CCDC167: variants seen among roughly 807,000 people sequenced by gnomAD.
The protein encoded by CCDC167 is coiled-coil domain-containing protein 167.
A neutral mutation model predicts 12.7 loss-of-function variants in CCDC167; 15 were observed. That is an observed-to-expected ratio of 1.18 (90% confidence interval 0.79 to 1.81). The LOEUF (loss-of-function observed/expected upper bound fraction) is 1.81, where lower values mean the gene tolerates loss of function less well. Among genes scored for constraint, CCDC167 ranks in the 40% most tolerant of loss-of-function variants. CCDC167 has a pLI of 0.00. For missense variants in CCDC167, 121 were observed against 120.1 expected, an observed-to-expected ratio of 1.01 and a Z score of -0.03; for synonymous variants, 52 against 49.0, an observed-to-expected ratio of 1.06 and a Z score of -0.26.
chr6:37,488,575 T>G (rs189642358), intron 1 of CCDC167, among the ~76,000 whole-genome samples: 25 of 152,246 alleles, frequency 1.6e-4, no homozygotes, highest in African/African-American at 6.0e-4. Flanking sequence ...GGGCCAGAAC[T>G]GGGCAAGCAG....
chr6:37,483,676 C>T lies in CCDC167; in HGVS notation c.191-387G>A, dbSNP rs187199175. 2.6e-4 allele frequency among the ~76,000 whole-genome samples: 40 copies of T among 152,298 alleles called. No individual in the cohort carries two copies. The East Asian group carries it at 6.8e-3, about 26-fold the overall frequency. Reference sequence around the variant, plus strand: ...TGCTCATCCTTCAAGGCATCTCATCCGCCAACCAGAAACTGAGGGCACCTG... The same window carrying T: ...TGCTCATCCTTCAAGGCATCTCATCTGCCAACCAGAAACTGAGGGCACCTG... On this transcript the variant is annotated intron_variant, in intron 3 of 3. Coordinates refer to ENST00000373408, the MANE Select transcript of CCDC167 (RefSeq NM_138493.3).
At chr6:37,489,860 G>A (rs1581764850) in intron 1 of CCDC167, among the ~76,000 whole-genome samples, 2 of 152,358 alleles carry the variant, frequency 1.3e-5, no homozygotes, top group South Asian at 2.1e-4. Flanking sequence ...GCTATCAGGG[G>A]GCAGCACTTA....
At chr6:37,488,015 G>A (rs1761969493) in intron 1 of CCDC167, among the ~76,000 whole-genome samples, 1 of 152,228 alleles carries the variant, frequency 6.6e-6, no homozygotes, top group South Asian at 2.1e-4. Flanking sequence ...GCTGCTTGAT[G>A]TGGGCTGAGT....
intron 1 of CCDC167, among the ~76,000 whole-genome samples, chr6:37,499,476 G>C (rs1581770218): frequency 6.6e-6 from 1 of 152,062 alleles, no homozygotes; most frequent in South Asian, 2.1e-4. Flanking sequence ...TTTCTCTGGG[G>C]TCTCCCTCAC....
intron 2 of CCDC167, 113 bp downstream of exon 2, chr6:37,484,987 A>C (rs563375334): frequency 6.9e-7 from 1 of 1,442,396 alleles, no homozygotes; most frequent in South Asian, 1.1e-5. Flanking sequence ...CACTGAAGCT[A>C]AGATGTCAGG....
intron 1 of CCDC167, among the ~76,000 whole-genome samples, chr6:37,492,553 A>T (rs1337730799): frequency 6.6e-6 from 1 of 152,238 alleles, no homozygotes; most frequent in Non-Finnish European, 1.5e-5. Context: ...AAATTCACAC[A>T]AAACAGATCC....
At chr6:37,487,969 C>T (rs1761969204) in intron 1 of CCDC167, among the ~76,000 whole-genome samples, 1 of 152,232 alleles carries the variant, frequency 6.6e-6, no homozygotes, top group African/African-American at 2.4e-5. Context: ...TCGCTGATTC[C>T]CTTCTAAATA....
chr6:37,484,826 G>A lies in CCDC167; in HGVS notation c.174C>T (p.Asn58=), dbSNP rs749468498. The change falls in exon 3 of 4, where the codon AAC becomes AAT. Residue 58 remains asparagine, a synonymous_variant. Coordinates refer to ENST00000373408, the MANE Select transcript of CCDC167 (RefSeq NM_138493.3). ...SLEKEKNSLM[N]KASNYEKELK... Reference sequence around the variant, plus strand: ...CTTTCTTACCGTAGTTGGAGGCTTTGTTCATTAGGCTGTTTTTCTCCTTCT... The same window carrying A: ...CTTTCTTACCGTAGTTGGAGGCTTTATTCATTAGGCTGTTTTTCTCCTTCT... The A allele has an allele frequency of 2.5e-6, 4 of 1,614,268 alleles. No homozygotes were observed. The highest frequency in any genetic ancestry group is 1.7e-4 in the Middle Eastern group (1 of 6,058).
At chr6:37,494,056 C>CTTTTTTTTTTT (rs70977666) in intron 1 of CCDC167, among the ~76,000 whole-genome samples, 2 of 91,384 alleles carry the variant, frequency 2.2e-5, no homozygotes, top group African/African-American at 8.5e-5. Context: ...GTGATCCTGC[C>CTTTTTTTTTTT]TTTTTTTTTT....
At chr6:37,490,167 G>A (rs1246501588) in intron 1 of CCDC167, among the ~76,000 whole-genome samples, 2 of 152,218 alleles carry the variant, frequency 1.3e-5, no homozygotes, top group Admixed American at 6.5e-5. Context: ...CTGCTTCCTG[G>A]CATCTGGCCC....
At chr6:37,485,306 G>C (rs74609302) in intron 1 of CCDC167, 112 bp from the exon 2 acceptor site, 21 of 790,746 alleles carry the variant, frequency 2.7e-5, no homozygotes, top group Admixed American at 1.1e-4. Flanking sequence ...CCCCCCATTC[G>C]TTTTGGCAGG....
chr6:37,487,669 T>C (rs1178757144), intron 1 of CCDC167, among the ~76,000 whole-genome samples: 1 of 152,192 alleles, frequency 6.6e-6, no homozygotes, highest in African/African-American at 2.4e-5. Context: ...CAAGTGGTAA[T>C]TGCCCCCAGA....
chr6:37,489,184 C>T (rs754745664), intron 1 of CCDC167, among the ~76,000 whole-genome samples: 18 of 151,480 alleles, frequency 1.2e-4, no homozygotes, highest in Non-Finnish European at 1.8e-4. Context: ...TGCAGTGAGC[C>T]GAGATGGCAC....
intron 1 of CCDC167, among the ~76,000 whole-genome samples, chr6:37,492,379 A>G (rs1202743008): frequency 2.0e-5 from 3 of 152,194 alleles, no homozygotes; most frequent in Non-Finnish European, 2.9e-5. Context: ...TTCTGTCTAC[A>G]TAACAGATAC....
At chr6:37,487,794 G>A (rs1446094866) in intron 1 of CCDC167, among the ~76,000 whole-genome samples, 2 of 152,188 alleles carry the variant, frequency 1.3e-5, no homozygotes, top group Admixed American at 6.5e-5. Context: ...GCTGGCAGTC[G>A]GGGGCCTTTA....
chr6:37,498,430 C>T (rs1762123748), intron 1 of CCDC167, among the ~76,000 whole-genome samples: 1 of 151,994 alleles, frequency 6.6e-6, no homozygotes. Context: ...ACATTTCCAT[C>T]AACCTTTTTC....
chr6:37,485,691 C>CG (rs1761933620), intron 1 of CCDC167, among the ~76,000 whole-genome samples: 3 of 152,214 alleles, frequency 2.0e-5, no homozygotes, highest in African/African-American at 7.2e-5. Context: ...CTAGGGGCAA[C>CG]ACAGAGGTGT....
At chr6:37,490,928 CA>C (rs1762011576) in intron 1 of CCDC167, among the ~76,000 whole-genome samples, 1 of 152,234 alleles carries the variant, frequency 6.6e-6, no homozygotes, top group Admixed American at 6.5e-5. Flanking sequence ...CTCCCCTCTG[CA>C]GCCTGACTTG....
At chr6:37,488,500 G>C (rs1761974434) in intron 1 of CCDC167, among the ~76,000 whole-genome samples, 1 of 152,242 alleles carries the variant, frequency 6.6e-6, no homozygotes, top group African/African-American at 2.4e-5. Context: ...CCAGGACCAG[G>C]AGAGAAGATG....
Sources: allele counts gnomAD v4.1 joint callset (sites outside exome capture counted in the v4.1 genomes callset), GRCh38; gene constraint gnomAD v4.1.1; transcripts MANE v1.5; gene names NCBI Gene and HGNC (gene_info 2026-07-23, HGNC 2026-07-21).